The following RHBDD1 variants were observed in gnomAD, a reference collection of about 807,000 sequenced individuals.
RHBDD1 encodes the protein rhomboid-related protein 4.
In RHBDD1, 38 loss-of-function variants were observed where a neutral mutation model predicts 36.3. That is an observed-to-expected ratio of 1.05 (90% CI 0.81 to 1.37). RHBDD1 has a LOEUF of 1.37. Ranked by LOEUF, RHBDD1 falls within the 40% of genes most tolerant of loss-of-function variation. The pLI is 0.00. For missense variants in RHBDD1, 393 were observed against 377.6 expected (o/e 1.04, Z -0.34); for synonymous variants, 151 against 136.5 (o/e 1.11, Z -0.74).
At chr2:226,877,640 A>G (rs1945355163) in intron 5 of RHBDD1, among the ~76,000 whole-genome samples, 2 of 151,606 alleles carry the variant, frequency 1.3e-5, no homozygotes, top group Non-Finnish European at 2.9e-5. Flanking sequence ...CATGAAAACA[A>G]CGGCTCATTC....
At chr2:226,885,530 A>C (rs1415854260) in intron 5 of RHBDD1, among the ~76,000 whole-genome samples, 1 of 152,178 alleles carries the variant, frequency 6.6e-6, no homozygotes, top group Non-Finnish European at 1.5e-5. Context: ...AAAACACAAT[A>C]AAATAAGGGT....
At chr2:226,922,118 T>G (rs1239046009) in intron 8 of RHBDD1, among the ~76,000 whole-genome samples, 1 of 152,058 alleles carries the variant, frequency 6.6e-6, no homozygotes, top group Non-Finnish European at 1.5e-5. Flanking sequence ...TTTTATAGTT[T>G]TTATCTTCAA....
At chr2:226,974,808 T>A (rs1206742601) in intron 8 of RHBDD1, among the ~76,000 whole-genome samples, 1 of 152,156 alleles carries the variant, frequency 6.6e-6, no homozygotes, top group Non-Finnish European at 1.5e-5. Flanking sequence ...AACCATACAG[T>A]GCTCACGGTG....
chr2:226,815,558 T>C, the RHBDD1 span, among the ~76,000 whole-genome samples: 3 of 152,234 alleles, frequency 2.0e-5, no homozygotes, highest in South Asian at 6.2e-4. Context: ...CAGTTTTATA[T>C]TGTATTAATT....
intron 3 of RHBDD1, among the ~76,000 whole-genome samples, chr2:226,845,036 A>G (rs1253415660): frequency 6.6e-6 from 1 of 151,998 alleles, no homozygotes; most frequent in Admixed American, 6.6e-5. Context: ...TTTTCTTCCT[A>G]AAATGGAGGC....
At chr2:226,992,525 C>T (rs1418322947) in intron 8 of RHBDD1, among the ~76,000 whole-genome samples, 1 of 152,094 alleles carries the variant, frequency 6.6e-6, no homozygotes, top group Non-Finnish European at 1.5e-5. Flanking sequence ...TATTGTTATA[C>T]CCAAGGTCTT....
At chr2:226,981,603 A>G (rs1184420499) in intron 8 of RHBDD1, among the ~76,000 whole-genome samples, 3 of 151,538 alleles carry the variant, frequency 2.0e-5, no homozygotes, top group African/African-American at 2.4e-5. Flanking sequence ...CTAATGGGGA[A>G]CAAGATTAGG....
chr2:226,913,486 A>G (rs1948663344), intron 7 of RHBDD1, among the ~76,000 whole-genome samples: 1 of 152,196 alleles, frequency 6.6e-6, no homozygotes, highest in Non-Finnish European at 1.5e-5. Context: ...CAAACTGAAA[A>G]GATCAATGGA....
intron 5 of RHBDD1, among the ~76,000 whole-genome samples, chr2:226,883,622 C>T (rs1054178567): frequency 2.6e-5 from 4 of 152,188 alleles, no homozygotes; most frequent in African/African-American, 9.7e-5. Context: ...TGGATGATAA[C>T]ACCTACCTAA....
intron 8 of RHBDD1, among the ~76,000 whole-genome samples, chr2:226,971,487 G>C (rs1027032034): frequency 6.6e-6 from 1 of 152,170 alleles, no homozygotes; most frequent in African/African-American, 2.4e-5. Context: ...TTTCTTCTCT[G>C]TTACAGCTAA....
At position 226,968,541 on chromosome 2, in the gene RHBDD1, G is replaced by A. The variant is rs1952840766; in HGVS notation, c.857-26890G>A. Among the ~76,000 whole-genome samples the A allele has an allele frequency of 2.0e-5, 3 of 152,194 alleles. No homozygotes were observed. In the South Asian group the frequency reaches 6.2e-4, roughly 32 times the overall value. On this transcript the variant is annotated intron_variant, in intron 8 of 8. Transcript: ENST00000392062. ...TGGACTTTAATCACATCTACCAGAT[G>A]CCTTCACAGCAGCACCCTGATTAGT...
the RHBDD1 span, among the ~76,000 whole-genome samples, chr2:226,814,931 G>A: frequency 6.6e-6 from 1 of 152,180 alleles, no homozygotes; most frequent in Non-Finnish European, 1.5e-5. Flanking sequence ...GCATGGAAGA[G>A]GAGCCCAGGG....
intron 8 of RHBDD1, among the ~76,000 whole-genome samples, chr2:226,982,695 G>T (rs1323897126): frequency 6.6e-6 from 1 of 152,200 alleles, no homozygotes; most frequent in Non-Finnish European, 1.5e-5. Flanking sequence ...CTCGGGATTT[G>T]AGAGCTATTT....
chr2:226,826,164 A>T, the RHBDD1 span, among the ~76,000 whole-genome samples: 1 of 152,200 alleles, frequency 6.6e-6, no homozygotes, highest in Non-Finnish European at 1.5e-5. Context: ...GTAGAGAATG[A>T]GGTTTCATTG....
chr2:226,969,420 A>G (rs1953021635), intron 8 of RHBDD1, among the ~76,000 whole-genome samples: 3 of 142,982 alleles, frequency 2.1e-5, no homozygotes, highest in African/African-American at 7.9e-5. Context: ...TTTTTAAGGA[A>G]GTAGACCTGT....
chr2:226,893,675 C>A (rs968899960), intron 5 of RHBDD1, among the ~76,000 whole-genome samples: 3 of 152,154 alleles, frequency 2.0e-5, no homozygotes, highest in African/African-American at 7.2e-5. Context: ...CAGTGGTTTT[C>A]CACTGGGATG....
chr2:226,896,965 GC>G (rs1489812194), intron 5 of RHBDD1, among the ~76,000 whole-genome samples: 4 of 151,960 alleles, frequency 2.6e-5, no homozygotes, highest in African/African-American at 9.7e-5. Context: ...ACCATGCCTG[GC>G]TAATCTTTGT....
intron 8 of RHBDD1, among the ~76,000 whole-genome samples, chr2:226,937,451 G>A (rs1487883020): frequency 6.6e-6 from 1 of 151,764 alleles, no homozygotes; most frequent in Non-Finnish European, 1.5e-5. Flanking sequence ...TTTATTTTAA[G>A]TTCAGGGGTA....
chr2:226,823,478 C>T, the RHBDD1 span, among the ~76,000 whole-genome samples: 4 of 152,070 alleles, frequency 2.6e-5, no homozygotes, highest in African/African-American at 9.7e-5. Flanking sequence ...TTGAATACTG[C>T]CAACTTAAAA....
Sources: allele counts gnomAD v4.1 joint callset (sites outside exome capture counted in the v4.1 genomes callset), GRCh38; gene constraint gnomAD v4.1.1; transcripts MANE v1.5; gene names NCBI Gene and HGNC (gene_info 2026-07-23, HGNC 2026-07-21).